AGK: variants seen among roughly 807,000 people sequenced by gnomAD.
The protein encoded by AGK is acylglycerol kinase, mitochondrial.
Under a neutral mutation model 66.4 loss-of-function variants are expected in AGK, and 52 were observed. The ratio of observed to expected loss-of-function variants is 0.78; its 90% CI spans 0.63 to 0.99. The LOEUF (loss-of-function observed/expected upper bound fraction) is 0.99, where lower values mean the gene tolerates loss of function less well. Ranked by LOEUF, AGK falls within the 50% of genes least tolerant of loss-of-function variation. AGK has a pLI of 0.00. For missense variants in AGK, 451 were observed against 506.6 expected, an observed-to-expected ratio of 0.89 and a Z score of 1.05; for synonymous variants, 182 against 181.1, an observed-to-expected ratio of 1.00 and a Z score of -0.04.
chr7:141,590,868 T>C (rs1206355109), intron 2 of AGK, among the ~76,000 whole-genome samples: 1 of 151,970 alleles, frequency 6.6e-6, no homozygotes, highest in Non-Finnish European at 1.5e-5. Context: ...AACATGAATA[T>C]TTGTGAATAC....
At chr7:141,561,418 A>G (rs752978074) in intron 2 of AGK, among the ~76,000 whole-genome samples, 19 of 152,080 alleles carry the variant, frequency 1.2e-4, no homozygotes, top group Admixed American at 2.6e-4. Flanking sequence ...CACCATATCC[A>G]TGCCAACATC....
At chr7:141,641,062 T>C (rs974439638) in intron 11 of AGK, among the ~76,000 whole-genome samples, 186 bp from the exon 12 acceptor site, 2 of 152,192 alleles carry the variant, frequency 1.3e-5, no homozygotes, top group Non-Finnish European at 2.9e-5. Flanking sequence ...TTTTAAGATG[T>C]AGCTTTAAGA....
intron 13 of AGK, among the ~76,000 whole-genome samples, chr7:141,648,656 C>T (rs1304567932): frequency 3.3e-5 from 5 of 152,218 alleles, no homozygotes; most frequent in Non-Finnish European, 7.3e-5. Context: ...ATTATGGGAA[C>T]TGGTCCAAGA....
chr7:141,595,294 C>T (rs1796205618), intron 3 of AGK, among the ~76,000 whole-genome samples: 1 of 152,088 alleles, frequency 6.6e-6, no homozygotes, highest in Admixed American at 6.6e-5. Flanking sequence ...TCATTTCTGC[C>T]ACATTCCAGA....
intron 2 of AGK, 72 bp from the exon 3 acceptor site, chr7:141,593,074 A>G: frequency 7.2e-7 from 1 of 1,381,726 alleles, no homozygotes. Flanking sequence ...AAAAAATTAA[A>G]AAGCTCACAA....
intron 9 of AGK, among the ~76,000 whole-genome samples, chr7:141,626,011 A>G (rs1796931843): frequency 6.6e-6 from 1 of 152,190 alleles, no homozygotes; most frequent in Non-Finnish European, 1.5e-5. Context: ...ATATTTTTTA[A>G]AAAGCCTTAG....
intron 9 of AGK, among the ~76,000 whole-genome samples, chr7:141,633,109 T>G (rs1320941932): frequency 6.6e-6 from 1 of 152,186 alleles, no homozygotes; most frequent in Admixed American, 6.5e-5. Flanking sequence ...TAGCAACTTC[T>G]GTGGAGTCTT....
intron 2 of AGK, among the ~76,000 whole-genome samples, chr7:141,575,654 CTTTTTTTTTTTTTTTT>C (rs58292692): frequency 5.2e-5 from 3 of 58,248 alleles, no homozygotes; most frequent in African/African-American, 7.0e-5. Flanking sequence ...TTACAAAGGC[CTTTTTTTTTTTTTTTT>C]TTTTTTTTTT....
chr7:141,565,637 CAAA>C (rs879711580), intron 2 of AGK, among the ~76,000 whole-genome samples: 1 of 130,338 alleles, frequency 7.7e-6, no homozygotes, highest in Non-Finnish European at 1.7e-5. Context: ...GACTTCGTCT[CAAA>C]AAAAAAAAAA....
chr7:141,552,241 A>T (rs982309360), intron 1 of AGK, among the ~76,000 whole-genome samples: 1 of 152,234 alleles, frequency 6.6e-6, no homozygotes, highest in Non-Finnish European at 1.5e-5. Context: ...TTCTGCTATA[A>T]AGTGGTCTTT....
intron 14 of AGK, 70 bp downstream of exon 14, chr7:141,649,403 A>C (rs1224042413): frequency 8.6e-7 from 1 of 1,160,180 alleles, no homozygotes; most frequent in African/African-American, 1.5e-5. Context: ...AGAGTGCCCC[A>C]TGAAGTCTAA....
At chr7:141,556,689 C>T (rs1795218219) in intron 2 of AGK, among the ~76,000 whole-genome samples, 1 of 152,146 alleles carries the variant, frequency 6.6e-6, no homozygotes, top group South Asian at 2.1e-4. Flanking sequence ...TCATGTCTCC[C>T]TGGCATTTTA....
chr7:141,580,005 G>C (rs145845470), intron 2 of AGK, among the ~76,000 whole-genome samples: 3 of 152,048 alleles, frequency 2.0e-5, no homozygotes, highest in South Asian at 4.1e-4. Context: ...GGGATCTGAC[G>C]CCTTTTGACA....
intron 15 of AGK, among the ~76,000 whole-genome samples, chr7:141,651,938 T>C (rs1797571103): frequency 6.6e-6 from 1 of 152,222 alleles, no homozygotes; most frequent in Admixed American, 6.5e-5. Flanking sequence ...ACATAGAGAA[T>C]TGTCTAGCTG....
In AGK at chr7:141,615,466, C is replaced by G. The variant is rs113599212; in HGVS notation, c.424-5C>G. Reference sequence around the variant, plus strand: ...ATAAAACTTTCCTCTTCTTTCCCCCCCCAGGCTACCTTCAGTAAGATTCCC... The same window carrying G: ...ATAAAACTTTCCTCTTCTTTCCCCCGCCAGGCTACCTTCAGTAAGATTCCC... On this transcript the variant is annotated splice_polypyrimidine_tract_variant and splice_region_variant and intron_variant, in intron 7 of 15. Coordinates refer to ENST00000649286, the MANE Select transcript of AGK (RefSeq NM_018238.4). 135 of 1,612,492 alleles carry G rather than the reference C, an allele frequency of 8.4e-5. No homozygotes were observed. Among genetic ancestry groups the G allele is most frequent in the African/African-American group, 3.7e-4 (28 of 74,982 alleles).
At chr7:141,569,217 C>T (rs554095638) in intron 2 of AGK, among the ~76,000 whole-genome samples, 1 of 152,180 alleles carries the variant, frequency 6.6e-6, no homozygotes, top group East Asian at 1.9e-4. Flanking sequence ...CAGTGTCATT[C>T]GATTTTACTG....
At position 141,633,962 on chromosome 7, in the gene AGK, C is replaced by T. The variant is rs1047702537; in HGVS notation, c.650C>T (p.Ala217Val). 2 of 1,613,730 alleles carry T rather than the reference C, an allele frequency of 1.2e-6. No individual in the cohort carries two copies. The highest frequency in any genetic ancestry group is 1.3e-5 in the African/African-American group (1 of 74,894). Residue 217 changes from alanine to valine, a missense_variant, in exon 10 of 16, where the codon GCT becomes GTT. Coordinates refer to ENST00000649286, the MANE Select transcript of AGK (RefSeq NM_018238.4). Reference sequence around the variant, plus strand: ...CTTCGATGGGGATCTTTCAGAGATGCTGGCGTCAAAGTTAGCAAGTAAAGG... The same window carrying T: ...CTTCGATGGGGATCTTTCAGAGATGTTGGCGTCAAAGTTAGCAAGTAAAGG... ...TGLRWGSFRD[A>V]GVKVSKYWYL...
intron 11 of AGK, among the ~76,000 whole-genome samples, chr7:141,640,971 C>T (rs1797274811): frequency 6.6e-6 from 1 of 152,120 alleles, no homozygotes; most frequent in Admixed American, 6.5e-5. Context: ...TTCATTCACC[C>T]TCTTTTTGGA....
rs943037722 is a variant in AGK at position 141,652,791 on chromosome 7, CA to C, written c.1137del (p.Gly381AlafsTer17). On this transcript the variant is annotated frameshift_variant, in exon 16 of 16. Transcript: ENST00000649286. LOFTEE classifies it high-confidence loss of function. The part of the protein sequence containing the change: ...SQCTLLIPEG[A>X]GGSFSIDSEE... The stretch of plus-strand genomic sequence containing the variant: ...TGAATATTCTCTTCTCCCCAGGGAG[CA>C]GGGGGCTCTTTTAGCATTGACAGTG... 12 of 1,612,966 alleles carry C rather than the reference CA, an allele frequency of 7.4e-6. No individual in the cohort carries two copies. The highest frequency in any genetic ancestry group is 1.3e-5 in the African/African-American group (1 of 74,876).
Sources: gnomAD v4.1 joint callset for allele counts (sites outside exome capture counted in the v4.1 genomes callset) on GRCh38, gnomAD v4.1.1 for gene constraint, MANE v1.5 for transcripts, NCBI Gene and HGNC (gene_info 2026-07-23, HGNC 2026-07-21) for gene names.